The following TNS3 variants were observed in gnomAD, a reference collection of about 807,000 sequenced individuals.
TNS3 encodes tensin-3.
In TNS3, 45 loss-of-function variants were observed where a neutral mutation model predicts 140.9. The observed-to-expected ratio is 0.32, with a 90% confidence interval of 0.25 to 0.41. TNS3 has a LOEUF of 0.41. Ranked by LOEUF, TNS3 falls within the 10% of genes least tolerant of loss-of-function variation. The pLI is 1.00. For missense variants in TNS3, 1,716 were observed against 1,906.7 expected (o/e 0.90, Z 1.86); for synonymous variants, 815 against 788.4 (o/e 1.03, Z -0.56).
At chr7:47,526,768 C>T (rs1456758525) in intron 2 of TNS3, among the ~76,000 whole-genome samples, 1 of 152,216 alleles carries the variant, frequency 6.6e-6, no homozygotes, top group Non-Finnish European at 1.5e-5. Context: ...CCAGTATCGC[C>T]CAATGGCTCC....
At chr7:47,324,103 G>A (rs931133968) in intron 20 of TNS3, among the ~76,000 whole-genome samples, 1 of 152,176 alleles carries the variant, frequency 6.6e-6, no homozygotes, top group African/African-American at 2.4e-5. Context: ...TTCCCCTCCT[G>A]ACCTGGCTGC....
intron 2 of TNS3, among the ~76,000 whole-genome samples, chr7:47,511,208 T>A (rs952252400): frequency 8.5e-5 from 13 of 152,176 alleles, no homozygotes; most frequent in African/African-American, 2.9e-4. Flanking sequence ...AGAATCAAAA[T>A]GAAATAGCTA....
chr7:47,369,666 AGT>A, intron 16 of TNS3, 45 bp from the exon 17 acceptor site: 1 of 1,517,274 alleles, frequency 6.6e-7, no homozygotes, highest in South Asian at 1.3e-5. Flanking sequence ...CAGGGATGAA[AGT>A]GAGCCTCACA....
At chr7:47,340,270 G>A (rs1202883040) in intron 20 of TNS3, among the ~76,000 whole-genome samples, 6 of 150,600 alleles carry the variant, frequency 4.0e-5, no homozygotes, top group Admixed American at 6.6e-5. Context: ...TTACAGGCAC[G>A]CACTGCCACG....
intron 4 of TNS3, among the ~76,000 whole-genome samples, chr7:47,442,338 C>G (rs1795507515): frequency 6.6e-6 from 1 of 152,234 alleles, no homozygotes; most frequent in African/African-American, 2.4e-5. Context: ...ATCGCTTGGC[C>G]TGCAAACAGT....
intron 1 of TNS3, among the ~76,000 whole-genome samples, chr7:47,536,866 G>T (rs553948879): frequency 2.3e-4 from 35 of 152,262 alleles, no homozygotes; most frequent in African/African-American, 8.4e-4. Flanking sequence ...TGACATACGC[G>T]CACTGACAAG....
At position 47,304,963 on chromosome 7, in the gene TNS3, C is replaced by T; in HGVS notation, c.2691G>A (p.Gly897=). 2 of 1,411,782 alleles carry T rather than the reference C, an allele frequency of 1.4e-6. No homozygotes were observed. The highest frequency in any genetic ancestry group is 1.9e-6 in the Non-Finnish European group (2 of 1,069,254). 87.5% of individuals were successfully genotyped at this position (1,411,782 alleles called of 1,614,324 possible). A position where few individuals can be genotyped will look rare whatever the true frequency, so the allele number is the denominator to read the frequency against. The change falls in exon 21 of 31, where the codon GGG becomes GGA. Residue 897 remains glycine (G), a synonymous_variant. Transcript: ENST00000311160. The part of the protein sequence containing the change: ...SCPETLTHAV[G]MSESPIGPKS... The stretch of plus-strand genomic sequence containing the variant: ...TGGGTCCGATGGGGCTCTCTGACAT[C>T]CCCACAGCGTGAGTGAGCGTCTCAG...
chr7:47,321,636 G>A (rs973100689), intron 20 of TNS3, among the ~76,000 whole-genome samples: 1 of 152,154 alleles, frequency 6.6e-6, no homozygotes, highest in African/African-American at 2.4e-5. Context: ...GGACAGAACT[G>A]GACAATGCTT....
chr7:47,582,243 TC>T (rs1784555655), upstream of TNS3: 1 of 247,168 alleles, frequency 4.0e-6, no homozygotes, highest in Non-Finnish European at 8.1e-6. Context: ...CCTGGCCTCA[TC>T]ACCCTAACAA....
rs543218508 is a variant in TNS3 at position 47,424,249 on chromosome 7, G to T, written c.390-65C>A. 13 of 1,531,936 alleles carry T rather than the reference G, an allele frequency of 8.5e-6. No individual in the cohort carries two copies. The African/African-American group carries it at 1.6e-4, about 19-fold the overall frequency. 94.9% of individuals were successfully genotyped at this position (1,531,936 alleles called of 1,614,324 possible). On this transcript the variant is annotated intron_variant, in intron 9 of 30. Transcript: ENST00000311160. Reference sequence around the variant, plus strand: ...AGCCCACACCACGTGGGTACTTGACGGGGGATGTGTCTCATGGCTGTTCAA... The same window carrying T: ...AGCCCACACCACGTGGGTACTTGACTGGGGATGTGTCTCATGGCTGTTCAA...
At chr7:47,291,897 C>A in intron 27 of TNS3, 58 bp downstream of exon 27, 1 of 1,565,678 alleles carries the variant, frequency 6.4e-7, no homozygotes. Flanking sequence ...GAAGTTGTGT[C>A]AGTGAGTCCT....
At chr7:47,493,634 C>G (rs557420614) in intron 3 of TNS3, among the ~76,000 whole-genome samples, 1 of 149,050 alleles carries the variant, frequency 6.7e-6, no homozygotes, top group Non-Finnish European at 1.5e-5. Flanking sequence ...CTGGCTAACA[C>G]GCTGAAACCC....
intron 17 of TNS3, among the ~76,000 whole-genome samples, chr7:47,350,529 A>G (rs1421615338): frequency 6.6e-6 from 1 of 152,188 alleles, no homozygotes; most frequent in Non-Finnish European, 1.5e-5. Flanking sequence ...GGAAGGTCAG[A>G]GAAGAAGAGA....
At chr7:47,463,743 G>A (rs1584715966) in intron 4 of TNS3, among the ~76,000 whole-genome samples, 1 of 152,122 alleles carries the variant, frequency 6.6e-6, no homozygotes, top group African/African-American at 2.4e-5. Flanking sequence ...ACGGGAACAT[G>A]CAGGTGGGCA....
intron 3 of TNS3, among the ~76,000 whole-genome samples, chr7:47,491,100 G>A (rs1323961965): frequency 2.0e-5 from 3 of 152,218 alleles, no homozygotes; most frequent in Non-Finnish European, 4.4e-5. Flanking sequence ...GCACGAGGCG[G>A]GCAGACATGA....
At chr7:47,460,985 A>C (rs970046777) in intron 4 of TNS3, among the ~76,000 whole-genome samples, 15 of 152,224 alleles carry the variant, frequency 9.9e-5, no homozygotes, top group African/African-American at 3.4e-4. Flanking sequence ...CCGCCATGAG[A>C]AAATAAGTTT....
intron 4 of TNS3, among the ~76,000 whole-genome samples, chr7:47,477,728 C>G (rs537378688): frequency 6.6e-6 from 1 of 152,300 alleles, no homozygotes; most frequent in African/African-American, 2.4e-5. Flanking sequence ...CATGCCCATC[C>G]AAAATGCCAA....
Position 47,342,810 on chromosome 7 carries a change from CCT to C in TNS3, c.2650+1943_2650+1944del, listed in dbSNP as rs1407482752. 2.0e-5 allele frequency among the ~76,000 whole-genome samples: 3 copies of C among 152,282 alleles called. No individual in the cohort carries two copies. The East Asian group carries it at 5.8e-4, about 29-fold the overall frequency. Reference sequence around the variant, plus strand: ...GGACACATTCTGTATGGGCGAGCTACCTCTGTTATTACTGTGCCCTTGGAGGA... The same window carrying C: ...GGACACATTCTGTATGGGCGAGCTACCTGTTATTACTGTGCCCTTGGAGGA... On this transcript the variant is annotated intron_variant, in intron 20 of 30. Transcript: ENST00000311160.
chr7:47,437,437 A>G, intron 6 of TNS3, 124 bp from the exon 7 acceptor site: 1 of 337,428 alleles, frequency 3.0e-6, no homozygotes, highest in Non-Finnish European at 4.9e-6. Flanking sequence ...AAATCTTCAC[A>G]CTCACAAATC....
Sources: gnomAD v4.1 joint callset for allele counts (sites outside exome capture counted in the v4.1 genomes callset) on GRCh38, gnomAD v4.1.1 for gene constraint, MANE v1.5 for transcripts, NCBI Gene and HGNC (gene_info 2026-07-23, HGNC 2026-07-21) for gene names.